Variants in HECTD4 observed in about 807,000 individuals in gnomAD.
The protein encoded by HECTD4 is HECT domain E3 ubiquitin protein ligase 4.
Under a neutral mutation model 471.5 loss-of-function variants are expected in HECTD4, and 114 were observed. The observed-to-expected ratio is 0.24, with a 90% CI of 0.21 to 0.28. The LOEUF (loss-of-function observed/expected upper bound fraction) is 0.28. Ranked by LOEUF, HECTD4 falls within the 10% of genes least tolerant of loss-of-function variation. The probability of loss-of-function intolerance (pLI) is 1.00; values close to 1 mark genes in which losing one functional copy is unlikely to be tolerated. For synonymous variants in HECTD4, 2,012 were observed against 2,256.0 expected (o/e 0.89, Z 3.07); for missense variants, 3,866 against 5,651.5 (o/e 0.68, Z 10.13).
chr12:112,227,990 G>T, intron 43 of HECTD4, 99 bp downstream of exon 43: 1 of 1,062,722 alleles, frequency 9.4e-7, no homozygotes, highest in Non-Finnish European at 1.3e-6. Context: ...TTCAAGCTGT[G>T]GATTCACTAA....
intron 7 of HECTD4, among the ~76,000 whole-genome samples, chr12:112,290,394 G>A (rs541369992): frequency 9.9e-5 from 15 of 152,106 alleles, no homozygotes; most frequent in East Asian, 5.8e-4. Flanking sequence ...GCATGGTGGC[G>A]GGCGCCTGTG....
intron 45 of HECTD4, 123 bp from the exon 46 acceptor site, chr12:112,217,318 TACAC>T (rs201184790): frequency 1.1e-4 from 52 of 470,064 alleles, no homozygotes; most frequent in East Asian, 1.7e-4. Context: ...CACACACACA[TACAC>T]ACACACACAC....
chr12:112,172,904 C>T, intron 66 of HECTD4, 43 bp from the exon 67 acceptor site: 1 of 1,551,028 alleles, frequency 6.4e-7, no homozygotes, highest in South Asian at 1.1e-5. Flanking sequence ...TGAGGCAGGG[C>T]ACACCGGGAT....
In HECTD4 at chr12:112,338,776, T is replaced by G. The variant is rs567093504; in HGVS notation, c.178-19034A>C. On this transcript the variant is annotated intron_variant, in intron 1 of 75. Coordinates refer to ENST00000682272, the MANE Select transcript of HECTD4 (RefSeq NM_001388303.1). The stretch of plus-strand genomic sequence containing the variant: ...TGGGGAGGCCTTACGGAGCTTTTAC[T>G]TGTGGAGGAAGGTGAAGCAGGAGCA... Among the ~76,000 whole-genome samples the G allele has an allele frequency of 2.0e-5, 3 of 152,194 alleles. No homozygotes were observed. In the South Asian group the frequency reaches 6.2e-4, roughly 32 times the overall value.
Position 112,327,416 on chromosome 12 carries a change from T to C in HECTD4, c.178-7674A>G, listed in dbSNP as rs117447866. On this transcript the variant is annotated intron_variant, in intron 1 of 75. Coordinates refer to ENST00000682272, the MANE Select transcript of HECTD4 (RefSeq NM_001388303.1). The stretch of plus-strand genomic sequence containing the variant: ...TATTAAATAAAACATTAAATTAAAT[T>C]AAATCATTAAATAAAAAATTATTAA... 4.2e-3 allele frequency among the ~76,000 whole-genome samples: 632 copies of C among 152,018 alleles called. 4 individuals are homozygous for C. Among genetic ancestry groups the C allele is most frequent in the South Asian group, 0.022 (104 of 4,822 alleles).
intron 34 of HECTD4, among the ~76,000 whole-genome samples, chr12:112,238,787 G>A (rs990526450): frequency 2.6e-5 from 4 of 152,084 alleles, no homozygotes; most frequent in African/African-American, 9.7e-5. Flanking sequence ...TTGACAAGGA[G>A]AGAATAAAAA....
intron 1 of HECTD4, among the ~76,000 whole-genome samples, chr12:112,363,889 T>C (rs2036503728): frequency 6.6e-6 from 1 of 150,678 alleles, no homozygotes; most frequent in Non-Finnish European, 1.5e-5. Flanking sequence ...GGCAGGAGAA[T>C]TGCTTGAACC....
intron 1 of HECTD4, among the ~76,000 whole-genome samples, chr12:112,349,940 T>C (rs2036222325): frequency 6.6e-6 from 1 of 152,170 alleles, no homozygotes; most frequent in Non-Finnish European, 1.5e-5. Flanking sequence ...CTATCAATAA[T>C]ATGATATTTT....
chr12:112,192,763 G>T lies in HECTD4; in HGVS notation c.9089C>A (p.Ser3030Tyr). The part of the protein sequence containing the change: ...KESQSGFRKD[S>Y]SLYKAPWARV... ...TGCCCACGGTGCCTTGTACAGAGAG[G>T]AGCTGAGAAGGAGGGATGGGTGGGT... Residue 3030 changes from serine to tyrosine, a missense_variant and splice_region_variant, in exon 59 of 76, where the codon TCC becomes TAC. Around this residue, in one of 16 missense-constraint regions of HECTD4, gnomAD observed 364 missense variants for 413.2 expected, o/e 0.88. Coordinates refer to ENST00000682272, the MANE Select transcript of HECTD4 (RefSeq NM_001388303.1). The T allele has an allele frequency of 6.3e-7, 1 of 1,577,054 alleles. No individual in the cohort carries two copies. The highest frequency in any genetic ancestry group is 1.2e-5 in the South Asian group (1 of 85,816).
chr12:112,241,226 A>G (rs1281190781), intron 32 of HECTD4, among the ~76,000 whole-genome samples: 4 of 152,158 alleles, frequency 2.6e-5, no homozygotes, highest in South Asian at 4.1e-4. Context: ...GGGAAAAGGA[A>G]TAGTGCTGCC....
intron 44 of HECTD4, 90 bp from the exon 45 acceptor site, chr12:112,219,579 A>C: frequency 4.6e-6 from 4 of 865,432 alleles, no homozygotes; most frequent in Non-Finnish European, 7.3e-6. Context: ...AAAACAATAA[A>C]ATGCACTTAT....
chr12:112,221,758 CTT>C (rs1239894468), intron 44 of HECTD4, among the ~76,000 whole-genome samples: 11 of 141,156 alleles, frequency 7.8e-5, no homozygotes, highest in Non-Finnish European at 7.8e-5. Context: ...TTTTTCTTTT[CTT>C]TTTTTTTTTT....
At chr12:112,172,979 C>A in intron 66 of HECTD4, 118 bp from the exon 67 acceptor site, 1 of 866,002 alleles carries the variant, frequency 1.2e-6, no homozygotes. Context: ...AAGACGGCCT[C>A]GCCTTCCAGG....
chr12:112,164,419 A>C (rs2030841391), intron 72 of HECTD4, 144 bp from the exon 73 acceptor site: 1 of 828,668 alleles, frequency 1.2e-6, no homozygotes, highest in Admixed American at 2.7e-5. Context: ...GCTTTCGCCA[A>C]TCAGAACCTG....
In HECTD4 at chr12:112,162,361, C is replaced by G; in HGVS notation, c.*26G>C. On this transcript the variant is annotated 3_prime_UTR_variant, in exon 76 of 76. Coordinates refer to ENST00000682272, the MANE Select transcript of HECTD4 (RefSeq NM_001388303.1). This position sits in a 1 kb window ranked among gnomAD's most constrained non-coding sequence, Gnocchi z 5.2. Reference sequence around the variant, plus strand: ...GCCAGCAGAGTGGGTGCCTCAGTGACAGCCTAATTCTGGGGCTCCCTCCCA... The same window carrying G: ...GCCAGCAGAGTGGGTGCCTCAGTGAGAGCCTAATTCTGGGGCTCCCTCCCA... 6.2e-7 allele frequency: 1 copy of G among 1,613,640 alleles called. No individual in the cohort carries two copies. Among genetic ancestry groups the G allele is most frequent in the Non-Finnish European group, 8.5e-7 (1 of 1,179,758 alleles).
In HECTD4 at chr12:112,167,980, TC is replaced by T. The variant is rs3830632; in HGVS notation, c.12209-64del. The T allele has an allele frequency of 2.6e-5, 34 of 1,284,676 alleles. No homozygotes were observed. In the East Asian group the frequency reaches 7.9e-4, roughly 30 times the overall value. The allele number at this position is 1,284,676 out of a possible 1,614,324, so 79.6% of individuals were successfully genotyped here. ...CCCGGCGGGAGGCGACACCGTTCCC[TC>T]CCTCTCACCTGCTGGCTGGAGCGGC... On this transcript the variant is annotated intron_variant, in intron 70 of 75. Transcript: ENST00000682272.
At chr12:112,361,847 A>AAT (rs1452305432) in intron 1 of HECTD4, among the ~76,000 whole-genome samples, 1 of 152,206 alleles carries the variant, frequency 6.6e-6, no homozygotes. Context: ...CAAAAACAAC[A>AAT]AAAAACTCTA....
chr12:112,189,474 C>T (rs1476602482), intron 60 of HECTD4, among the ~76,000 whole-genome samples: 3 of 11,086 alleles, frequency 2.7e-4, no homozygotes, highest in African/African-American at 1.0e-3. Flanking sequence ...ATGGCATGAA[C>T]CCGGGAGGCG....
chr12:112,309,958 T>TA (rs2035341839), intron 4 of HECTD4, among the ~76,000 whole-genome samples: 1 of 152,204 alleles, frequency 6.6e-6, no homozygotes, highest in Admixed American at 6.5e-5. Flanking sequence ...AGCTTGTACT[T>TA]AGTCAAGTCA....
Sources: allele counts gnomAD v4.1 joint callset (sites outside exome capture counted in the v4.1 genomes callset), GRCh38; gene constraint gnomAD v4.1.1; regional missense constraint gnomAD v4.1.1; non-coding constraint Gnocchi (gnomAD v3.1); transcripts MANE v1.5; gene names NCBI Gene and HGNC (gene_info 2026-07-23, HGNC 2026-07-21).